CALB2: variants seen among roughly 807,000 people sequenced by gnomAD.
The protein encoded by CALB2 is calbindin 2, also known as calretinin.
A neutral mutation model predicts 45.9 loss-of-function variants in CALB2; 34 were observed. The ratio of observed to expected loss-of-function variants is 0.74; its 90% CI spans 0.56 to 0.99. The LOEUF (loss-of-function observed/expected upper bound fraction) is 0.99, where lower values mean the gene tolerates loss of function less well. Ranked by LOEUF, CALB2 falls within the 50% of genes least tolerant of loss-of-function variation. The pLI is 0.00. For synonymous variants in CALB2, 142 were observed against 129.6 expected (o/e 1.10, Z -0.65); for missense variants, 344 against 339.3 (o/e 1.01, Z -0.11).
chr16:71,370,317 C>T (rs1158325687), intron 1 of CALB2, among the ~76,000 whole-genome samples: 10 of 152,290 alleles, frequency 6.6e-5, no homozygotes, highest in South Asian at 2.1e-4. Flanking sequence ...TTCTCTGTTG[C>T]GTTTGTAATT....
At chr16:71,384,929 CA>C in intron 9 of CALB2, 93 bp downstream of exon 9, 1 of 1,096,210 alleles carries the variant, frequency 9.1e-7, no homozygotes, top group Admixed American at 1.8e-5. Context: ...GACAGCTTTC[CA>C]GGGGTGGCCT....
At chr16:71,374,921 T>C (rs545598992) in intron 3 of CALB2, 87 bp downstream of exon 3, 124 of 923,446 alleles carry the variant, frequency 1.3e-4, no homozygotes, top group South Asian at 3.2e-4. Flanking sequence ...CTGCTGAGGA[T>C]TGGAGTGAGG....
chr16:71,372,354 TG>T (rs2042362402), intron 2 of CALB2, 125 bp downstream of exon 2: 2 of 641,384 alleles, frequency 3.1e-6, no homozygotes, highest in African/African-American at 3.7e-5. Context: ...GCATTTTATT[TG>T]TAAGGATAAA....
At chr16:71,379,357 C>A (rs2042458976) in intron 4 of CALB2, among the ~76,000 whole-genome samples, 1 of 152,024 alleles carries the variant, frequency 6.6e-6, no homozygotes, top group South Asian at 2.1e-4. Context: ...TCCTTGAGAT[C>A]TTCATGTAAA....
At chr16:71,380,751 C>A (rs192359756) in intron 4 of CALB2, among the ~76,000 whole-genome samples, 2 of 152,254 alleles carry the variant, frequency 1.3e-5, no homozygotes, top group East Asian at 3.9e-4. Flanking sequence ...CCATTTGTTC[C>A]ATTTTTACCA....
In CALB2 at chr16:71,386,794, C is replaced by T. The variant is rs957648061; in HGVS notation, c.699+1146C>T. On this transcript the variant is annotated intron_variant, in intron 10 of 10. Coordinates refer to ENST00000302628, the MANE Select transcript of CALB2 (RefSeq NM_001740.5). ...CTCAATTTCAGGAAAAAATTATCTG[C>T]AGTCTCTATTCATCTCCCTTTCCAA... Among the ~76,000 whole-genome samples the T allele has an allele frequency of 3.0e-4, 45 of 152,236 alleles. 2 individuals are homozygous for T. Among genetic ancestry groups the T allele is most frequent in the Non-Finnish European group, 7.3e-5 (5 of 68,040 alleles).
intron 1 of CALB2, among the ~76,000 whole-genome samples, chr16:71,363,967 T>C (rs1444479675): frequency 6.6e-6 from 1 of 152,166 alleles, no homozygotes. Context: ...TGTCAGGATA[T>C]GAGGCTCTCA....
intron 2 of CALB2, 150 bp downstream of exon 2, chr16:71,372,379 C>G: frequency 1.7e-6 from 1 of 590,106 alleles, no homozygotes; most frequent in South Asian, 2.3e-5. Flanking sequence ...TAGACTGTCC[C>G]CTAAGAGTAC....
chr16:71,380,268 TTTCTTTC>T (rs1363683542), intron 4 of CALB2, among the ~76,000 whole-genome samples: 2 of 150,490 alleles, frequency 1.3e-5, no homozygotes, highest in South Asian at 4.2e-4. Context: ...CTTTCTTTTC[TTTCTTTC>T]TTCTTTCCTT....
chr16:71,384,192 C>T, intron 7 of CALB2, 147 bp from the exon 8 acceptor site: 4 of 1,008,960 alleles, frequency 4.0e-6, no homozygotes, highest in Non-Finnish European at 6.3e-6. Context: ...GTCTGTCTCC[C>T]TCGTTTTTGA....
intron 2 of CALB2, among the ~76,000 whole-genome samples, 181 bp downstream of exon 2, chr16:71,372,410 T>C (rs2042362902): frequency 6.6e-6 from 1 of 152,024 alleles, no homozygotes; most frequent in Non-Finnish European, 1.5e-5. Flanking sequence ...TATCCTTGGG[T>C]GTCTGGGATT....
At chr16:71,381,093 G>C (rs2042486185) in intron 4 of CALB2, among the ~76,000 whole-genome samples, 1 of 152,180 alleles carries the variant, frequency 6.6e-6, no homozygotes. Context: ...GCAGGGACTG[G>C]GGTTCCTTCA....
chr16:71,389,953 C>T lies in CALB2; in HGVS notation c.*88C>T. ...TACCCAGACTCAGAGACCGTGAGCG[C>T]CCCGCCCCCACCCCTACAGCCTGCA... On this transcript the variant is annotated 3_prime_UTR_variant, in exon 11 of 11. Coordinates refer to ENST00000302628, the MANE Select transcript of CALB2 (RefSeq NM_001740.5). 3.6e-6 allele frequency: 3 copies of T among 836,130 alleles called. No homozygotes were observed. Among genetic ancestry groups the T allele is most frequent in the South Asian group, 2.8e-5 (2 of 70,644 alleles). 51.8% of individuals were successfully genotyped at this position (836,130 alleles called of 1,614,324 possible). A position where few individuals can be genotyped will look rare whatever the true frequency, so the allele number is the denominator to read the frequency against.
At chr16:71,372,076 G>A (rs538693731) in intron 1 of CALB2, 77 bp from the exon 2 acceptor site, 10 of 1,003,410 alleles carry the variant, frequency 1.0e-5, no homozygotes, top group African/African-American at 3.2e-5. Flanking sequence ...CATTCTCCAC[G>A]AAGCCCCCGA....
intron 1 of CALB2, among the ~76,000 whole-genome samples, chr16:71,369,068 C>T (rs992361384): frequency 6.6e-6 from 1 of 152,150 alleles, no homozygotes; most frequent in African/African-American, 2.4e-5. Context: ...CCTGCTCTAG[C>T]CTCCCTCTGC....
chr16:71,388,818 C>CT (rs1555527470), intron 10 of CALB2, among the ~76,000 whole-genome samples: 1 of 130,378 alleles, frequency 7.7e-6, no homozygotes, highest in Non-Finnish European at 1.6e-5. Context: ...CCCGTCTCTA[C>CT]TAAAAAAAAA....
rs760417141 is a variant in CALB2, at chr16:71,358,757, GGAGCGGTGCAGGCTGAGGTCTCC to G, written c.-29_-7del. 7 of 1,539,320 alleles carry G rather than the reference GGAGCGGTGCAGGCTGAGGTCTCC, an allele frequency of 4.5e-6. No homozygotes were observed. Among genetic ancestry groups the G allele is most frequent in the South Asian group, 1.2e-5 (1 of 85,820 alleles). On this transcript the variant is annotated 5_prime_UTR_variant, in exon 1 of 11. Transcript: ENST00000302628. ...GCCAGAGCCCAGCCGGCGCGGAGCG[GGAGCGGTGCAGGCTGAGGTCTCC>G]GAGCGGCTCGCCATGGCTGGCCCGC...
Position 71,390,029 on chromosome 16 carries a change from G to A in CALB2, c.*164G>A, listed in dbSNP as rs1320503982. 9.9e-6 allele frequency: 6 copies of A among 603,324 alleles called. No individual in the cohort carries two copies. The highest frequency in any genetic ancestry group is 7.7e-5 in the South Asian group (4 of 51,640). The allele number at this position is 603,324 out of a possible 1,614,324, so 37.4% of individuals were successfully genotyped here. ...GAGAGATAGAGGATGGGCAGCTGGG[G>A]GGCTGTCCTGAGCCCCCTGCACCCA... On this transcript the variant is annotated 3_prime_UTR_variant, in exon 11 of 11. Coordinates refer to ENST00000302628, the MANE Select transcript of CALB2 (RefSeq NM_001740.5).
At chr16:71,383,335 C>T in intron 5 of CALB2, 32 bp from the exon 6 acceptor site, 1 of 1,599,096 alleles carries the variant, frequency 6.3e-7, no homozygotes, top group Non-Finnish European at 8.6e-7. Context: ...ATGCACGAGT[C>T]AGGAGTACTA....
Sources: gnomAD v4.1 joint callset for allele counts (sites outside exome capture counted in the v4.1 genomes callset) on GRCh38, gnomAD v4.1.1 for gene constraint, MANE v1.5 for transcripts, NCBI Gene and HGNC (gene_info 2026-07-23, HGNC 2026-07-21) for gene names.